The following COMMD7 variants were observed in gnomAD, a reference collection of about 807,000 sequenced individuals.
The protein encoded by COMMD7 is COMM domain containing 7.
COMMD7 carries 28 observed loss-of-function variants against 34.8 expected under a neutral mutation model. The observed-to-expected ratio is 0.80, with a 90% CI of 0.60 to 1.10. The LOEUF is 1.10. Among genes scored for constraint, COMMD7 ranks in the 50% least tolerant of loss-of-function variants. The pLI, the probability that COMMD7 is intolerant of heterozygous loss-of-function variation, is 0.00. For synonymous variants in COMMD7, 80 were observed against 86.4 expected, an observed-to-expected ratio of 0.93 and a Z score of 0.41; for missense variants, 211 against 241.6, an observed-to-expected ratio of 0.87 and a Z score of 0.84.
chr20:32,709,634 C>T (rs28632120), intron 3 of COMMD7, among the ~76,000 whole-genome samples: 44,496 of 152,110 alleles, frequency 0.29, 6,861 homozygotes, highest in Middle Eastern at 0.4. Flanking sequence ...CTACTATCTC[C>T]TATTTCACTC....
At chr20:32,703,787 G>T (rs764056740) in intron 8 of COMMD7, 3 of 1,522,636 alleles carry the variant, frequency 2.0e-6, no homozygotes, top group Non-Finnish European at 2.6e-6. Context: ...CAGCCATTCC[G>T]TTCCCACCCT....
chr20:32,705,595 G>A (rs1305972040), intron 5 of COMMD7, among the ~76,000 whole-genome samples: 6 of 151,956 alleles, frequency 3.9e-5, no homozygotes, highest in Non-Finnish European at 8.8e-5. Flanking sequence ...GGATGATCTC[G>A]ATCTCCTGAC....
chr20:32,721,022 T>C (rs559789283), intron 3 of COMMD7, among the ~76,000 whole-genome samples: 18 of 152,196 alleles, frequency 1.2e-4, no homozygotes, highest in East Asian at 1.9e-4. Context: ...GCAGGAACAA[T>C]AGAAACCTGT....
intron 3 of COMMD7, among the ~76,000 whole-genome samples, chr20:32,720,962 GA>G (rs1461003936): frequency 6.6e-6 from 1 of 152,090 alleles, no homozygotes; most frequent in Non-Finnish European, 1.5e-5. Flanking sequence ...TGAGTTTGAG[GA>G]ACTATCTATT....
intron 3 of COMMD7, among the ~76,000 whole-genome samples, chr20:32,711,602 C>G (rs561467344): frequency 1.3e-5 from 2 of 152,176 alleles, no homozygotes; most frequent in East Asian, 3.9e-4. Flanking sequence ...ATGAAGTCAA[C>G]AAAGCTGCAG....
intron 3 of COMMD7, among the ~76,000 whole-genome samples, chr20:32,717,006 T>C (rs1412461436): frequency 1.3e-5 from 2 of 152,112 alleles, no homozygotes; most frequent in Non-Finnish European, 2.9e-5. Context: ...TAATTTTTTG[T>C]ATTTGTAGTA....
At chr20:32,726,133 G>A (rs1229200801) in intron 3 of COMMD7, among the ~76,000 whole-genome samples, 1 of 150,642 alleles carries the variant, frequency 6.6e-6, no homozygotes, top group Non-Finnish European at 1.5e-5. Flanking sequence ...GCTCATGTCT[G>A]TAATCCAGCA....
At chr20:32,720,947 G>A (rs979636234) in intron 3 of COMMD7, among the ~76,000 whole-genome samples, 24 of 152,060 alleles carry the variant, frequency 1.6e-4, no homozygotes, top group African/African-American at 2.2e-4. Context: ...AACAAGACTC[G>A]CCCCTGAGTT....
chr20:32,716,988 T>A (rs971843888), intron 3 of COMMD7, among the ~76,000 whole-genome samples: 6 of 151,998 alleles, frequency 3.9e-5, no homozygotes, highest in African/African-American at 9.7e-5. Flanking sequence ...CCCACCAACA[T>A]GCTCGACTAA....
chr20:32,706,978 A>ATATATTTATTTTATTTAAAAG (rs1568772210), intron 3 of COMMD7, among the ~76,000 whole-genome samples: 1 of 151,630 alleles, frequency 6.6e-6, no homozygotes, highest in Non-Finnish European at 1.5e-5. Flanking sequence ...TTATTTAAAA[A>ATATATTTATTTTATTTAAAAG]ATATATTTAT....
chr20:32,704,070 A>T lies in COMMD7; in HGVS notation c.479T>A (p.Leu160Gln), dbSNP rs767492425. The T allele has an allele frequency of 5.0e-6, 8 of 1,588,988 alleles. No homozygotes were observed. The highest frequency in any genetic ancestry group is 6.9e-6 in the Non-Finnish European group (8 of 1,165,710). The change falls in exon 8 of 9, where the codon CTA (leucine) becomes CAA (glutamine). Residue 160 changes from leucine (L) to glutamine (Q), a missense_variant and splice_region_variant. Transcript: ENST00000278980. ...ATTTCCTTTCTTAACCACCAACTTTAGCTGATGAAAGAAAAAGAAATAATT... is the reference window on the plus strand; with the variant it reads ...ATTTCCTTTCTTAACCACCAACTTTTGCTGATGAAAGAAAAAGAAATAATT... ...LEKVGSIFLQ[L>Q]KLVVKKGNQT...
At chr20:32,730,942 T>C (rs1323376001) in intron 1 of COMMD7, among the ~76,000 whole-genome samples, 1 of 152,214 alleles carries the variant, frequency 6.6e-6, no homozygotes, top group Non-Finnish European at 1.5e-5. Context: ...GTATGTGTAG[T>C]ATGTTAAATG....
At chr20:32,705,352 G>T (rs1009667952) in intron 5 of COMMD7, among the ~76,000 whole-genome samples, 3 of 111,082 alleles carry the variant, frequency 2.7e-5, no homozygotes, top group Admixed American at 9.0e-5. Flanking sequence ...ATATATATGT[G>T]TGTGTGTATA....
chr20:32,706,672 G>A, intron 4 of COMMD7, 32 bp downstream of exon 4: 1 of 1,613,164 alleles, frequency 6.2e-7, no homozygotes, highest in Non-Finnish European at 8.5e-7. Context: ...TCAGAAGCCA[G>A]TCACCCTGAG....
chr20:32,708,438 C>A (rs931579678), intron 3 of COMMD7, among the ~76,000 whole-genome samples: 2 of 151,994 alleles, frequency 1.3e-5, no homozygotes, highest in South Asian at 2.1e-4. Flanking sequence ...GGGAGGAAAT[C>A]TTTTATCTCC....
intron 1 of COMMD7, chr20:32,742,598 C>T (rs1986505508): frequency 6.6e-6 from 1 of 152,192 alleles, no homozygotes; most frequent in Non-Finnish European, 1.5e-5. Context: ...TGCTAGCTCC[C>T]CTACCATCGA....
chr20:32,741,849 AGGGTGCAGT>A (rs970104132), intron 1 of COMMD7, among the ~76,000 whole-genome samples: 10 of 152,112 alleles, frequency 6.6e-5, no homozygotes, highest in Admixed American at 6.6e-4. Flanking sequence ...CATATATCCT[AGGGTGCAGT>A]AGGTTTGTGT....
intron 1 of COMMD7, 72 bp downstream of exon 1, chr20:32,743,236 G>GGGCCCCCCCCCCCCCCCCCCCCCCCCC: frequency 1.8e-6 from 1 of 555,858 alleles, no homozygotes; most frequent in Non-Finnish European, 3.1e-6. Flanking sequence ...ACCCCCGGAC[G>GGGCCCCCCCCCCCCCCCCCCCCCCCCC]TCCCCCCCAC....
chr20:32,730,145 T>C (rs940435198), intron 1 of COMMD7, among the ~76,000 whole-genome samples: 4 of 135,562 alleles, frequency 3.0e-5, no homozygotes, highest in Admixed American at 7.3e-5. Flanking sequence ...CATTACTTTA[T>C]CATGTCCCTC....
Sources: gnomAD v4.1 joint callset for allele counts (sites outside exome capture counted in the v4.1 genomes callset) on GRCh38, gnomAD v4.1.1 for gene constraint, MANE v1.5 for transcripts, NCBI Gene and HGNC (gene_info 2026-07-23, HGNC 2026-07-21) for gene names.